Variants in SZT2 observed in about 807,000 individuals in gnomAD.
SZT2 encodes SZT2 subunit of KICSTOR complex.
In SZT2, 216 loss-of-function variants were observed where a neutral mutation model predicts 404.2. The ratio of observed to expected loss-of-function variants is 0.53; its 90% CI spans 0.48 to 0.60. The LOEUF is 0.60. Among genes scored for constraint, SZT2 ranks in the 20% least tolerant of loss-of-function variants. The pLI, the probability that SZT2 is intolerant of heterozygous loss-of-function variation, is 0.00. For synonymous variants in SZT2, 1,693 were observed against 1,749.9 expected (o/e 0.97, Z 0.81); for missense variants, 3,857 against 4,459.2 (o/e 0.86, Z 3.85).
rs779432358 is a variant in SZT2, at chr1:43,448,092, G to A, written c.9577G>A (p.Val3193Met). The A allele has an allele frequency of 1.2e-5, 19 of 1,596,594 alleles. 1 individual carries two copies. In the Middle Eastern group the frequency reaches 6.7e-4, roughly 56 times the overall value. ...TCCCCACCCCAGGCTACAGTTCTTC[G>A]TGGTGCTCACCAGCCAGCGAGAGCT... is the stretch of plus-strand genomic sequence containing the variant. ...ERHVLRLQFFVVLTSQRELFP... is the reference protein window; with the variant it reads ...ERHVLRLQFFMVLTSQRELFP... The change falls in exon 69 of 72, where the codon GTG becomes ATG. Residue 3193 changes from valine (V) to methionine (M), a missense_variant. Physicochemically the swap from Val to Met is conservative, Grantham distance 21. Coordinates refer to ENST00000634258, the MANE Select transcript of SZT2 (RefSeq NM_001365999.1). The surrounding 1 kb of genome is among the most constrained non-coding windows in gnomAD (Gnocchi z 4.2).
At position 43,442,836 on chromosome 1, in the gene SZT2, G is replaced by A; in HGVS notation, c.8169G>A (p.Leu2723=). ...TCTCTCAGGAGCCAAACCCATTCCT[G>A]CTGCCGACCATGGAAGTGGAGACCC... ...VRDEKEPNPF[L]LPTMEVETLI... is the part of the protein sequence containing the mutation. Residue 2723 remains leucine, a synonymous_variant, in exon 59 of 72, where the codon CTG becomes CTA. Coordinates refer to ENST00000634258, the MANE Select transcript of SZT2 (RefSeq NM_001365999.1). The surrounding 1 kb of genome is among the most constrained non-coding windows in gnomAD (Gnocchi z 4.5). 1 of 1,606,204 alleles carries A rather than the reference G, an allele frequency of 6.2e-7. No individual in the cohort carries two copies. Among genetic ancestry groups the A allele is most frequent in the Non-Finnish European group, 8.5e-7 (1 of 1,175,536 alleles).
intron 4 of SZT2, among the ~76,000 whole-genome samples, chr1:43,411,341 G>A (rs894145839): frequency 5.3e-5 from 8 of 152,202 alleles, no homozygotes; most frequent in Non-Finnish European, 1.0e-4. Context: ...TGGCAGTGTT[G>A]GCTCTAGCCT....
rs1570744983 is a variant in SZT2, at chr1:43,448,571, T to G, written c.9970-41T>G. ...GGGCAGAGGGCACAGGAATCTGAGG[T>G]GACTGGCACAGAAGACTCAGGCCTG... On this transcript the variant is annotated intron_variant, in intron 69 of 71. Transcript: ENST00000634258. The surrounding 1 kb of genome is among the most constrained non-coding windows in gnomAD (Gnocchi z 4.2). 1 of 1,613,578 alleles carries G rather than the reference T, an allele frequency of 6.2e-7. No homozygotes were observed. Among genetic ancestry groups the G allele is most frequent in the Non-Finnish European group, 8.5e-7 (1 of 1,179,738 alleles).
intron 4 of SZT2, chr1:43,412,574 C>G (rs1389035061): frequency 6.6e-6 from 1 of 152,222 alleles, no homozygotes; most frequent in East Asian, 1.9e-4. Context: ...ATGTGAACCA[C>G]TATGCTTGGC....
rs369715099 is a variant in SZT2 at position 43,452,029 on chromosome 1, G to A, written c.*1549G>A. 2.2e-4 allele frequency: 355 copies of A among 1,597,288 alleles called. No homozygotes were observed. Among genetic ancestry groups the A allele is most frequent in the Non-Finnish European group, 2.9e-4 (335 of 1,169,692 alleles). The stretch of plus-strand genomic sequence containing the variant: ...CGAGGTCCTCCTAGCAGCATGTCGG[G>A]TGCTGTGAATAGAGCTCCTTCCCAA... On this transcript the variant is annotated 3_prime_UTR_variant, in exon 72 of 72. Transcript: ENST00000634258.
chr1:43,425,065 T>A lies in SZT2; in HGVS notation c.2551-48T>A. The A allele has an allele frequency of 6.2e-7, 1 of 1,608,162 alleles. No homozygotes were observed. The highest frequency in any genetic ancestry group is 8.5e-7 in the Non-Finnish European group (1 of 1,174,614). On this transcript the variant is annotated intron_variant, in intron 17 of 71. Transcript: ENST00000634258. The surrounding 1 kb of genome is among the most constrained non-coding windows in gnomAD (Gnocchi z 4.3). Reference sequence around the variant, plus strand: ...AGGGCCAGAGCTAGGCCAGGCCAGATCTCTGCCTTGGCTGGGATTTGCCCA... The same window carrying A: ...AGGGCCAGAGCTAGGCCAGGCCAGAACTCTGCCTTGGCTGGGATTTGCCCA...
At chr1:43,434,585 A>C (rs781542899) in intron 41 of SZT2, 100 bp downstream of exon 41, 1 of 1,082,062 alleles carries the variant, frequency 9.2e-7, no homozygotes. Flanking sequence ...TTCAGAATCA[A>C]TAATTATGGA....
chr1:43,426,827 T>C lies in SZT2; in HGVS notation c.3309+18T>C. ...CTTCCCTGGTCAGCACCGATTCTTC[T>C]CCCTGAGCCCTTGTCACACTGACCT... is the stretch of plus-strand genomic sequence containing the variant. On this transcript the variant is annotated intron_variant, in intron 23 of 71. Coordinates refer to ENST00000634258, the MANE Select transcript of SZT2 (RefSeq NM_001365999.1). The surrounding 1 kb of genome is among the most constrained non-coding windows in gnomAD (Gnocchi z 4.9). 1.9e-6 allele frequency: 3 copies of C among 1,611,234 alleles called. No homozygotes were observed. Among genetic ancestry groups the C allele is most frequent in the Non-Finnish European group, 2.5e-6 (3 of 1,178,168 alleles).
Position 43,434,510 on chromosome 1 carries a change from C to G in SZT2, c.5904+25C>G, listed in dbSNP as rs1169696945. 9 of 1,562,706 alleles carry G rather than the reference C, an allele frequency of 5.8e-6. No homozygotes were observed. The Admixed American group carries it at 1.7e-4, about 30-fold the overall frequency. ...GGTAAGGGGCAGGACTCTCCAGACC[C>G]GGACACACAGAGCAGATGAGAACCA... On this transcript the variant is annotated intron_variant, in intron 41 of 71. Transcript: ENST00000634258.
chr1:43,393,334 C>T (rs911932545), intron 1 of SZT2, among the ~76,000 whole-genome samples: 1 of 152,152 alleles, frequency 6.6e-6, no homozygotes, highest in East Asian at 1.9e-4. Flanking sequence ...TCATCTGATA[C>T]TCAAAAATTA....
intron 28 of SZT2, 85 bp downstream of exon 28, chr1:43,428,571 T>C: frequency 6.5e-7 from 1 of 1,531,954 alleles, no homozygotes; most frequent in Non-Finnish European, 8.8e-7. Flanking sequence ...GGGGAATGAC[T>C]GTGCAAGGTA....
At chr1:43,395,547 C>T (rs1648895528) in intron 1 of SZT2, among the ~76,000 whole-genome samples, 1 of 152,202 alleles carries the variant, frequency 6.6e-6, no homozygotes. Context: ...GTAATCCGCC[C>T]ACTTTGGTCT....
Position 43,434,635 on chromosome 1 carries a change from C to T in SZT2, c.5904+150C>T, listed in dbSNP as rs937308127. On this transcript the variant is annotated intron_variant, in intron 41 of 71. Transcript: ENST00000634258. ...CCCAGTTAGTAGGATGCTGTTTCTCCCCCAGCTCCCTACAGCCTTGGGAGT... is the reference window on the plus strand; with the variant it reads ...CCCAGTTAGTAGGATGCTGTTTCTCTCCCAGCTCCCTACAGCCTTGGGAGT... The T allele has an allele frequency of 8.1e-6, 6 of 743,054 alleles. No individual in the cohort carries two copies. In the African/African-American group the frequency reaches 1.1e-4, roughly 13 times the overall value. The allele number at this position is 743,054 out of a possible 1,614,324, so 46.0% of individuals were successfully genotyped here.
At position 43,425,606 on chromosome 1, in the gene SZT2, C is replaced by T. The variant is rs1653047846; in HGVS notation, c.2778C>T (p.His926=). 1 of 1,614,042 alleles carries T rather than the reference C, an allele frequency of 6.2e-7. No individual in the cohort carries two copies. The highest frequency in any genetic ancestry group is 1.3e-5 in the African/African-American group (1 of 74,924). Residue 926 remains histidine (H), a synonymous_variant, in exon 19 of 72, where the codon CAC becomes CAT. Coordinates refer to ENST00000634258, the MANE Select transcript of SZT2 (RefSeq NM_001365999.1). This position sits in a 1 kb window ranked among gnomAD's most constrained non-coding sequence, Gnocchi z 4.3. ...RVGPGPGIWK[H]LQDLTYSEIP... ...GACCTGGCCCTGGAATCTGGAAGCA[C>T]CTCCAGGACCTGACGTATTCTGAGA...
In SZT2 at chr1:43,437,309, T is replaced by TG. The variant is rs772418993; in HGVS notation, c.6178dup (p.Val2060GlyfsTer46). 2 of 1,613,850 alleles carry TG rather than the reference T, an allele frequency of 1.2e-6. No homozygotes were observed. Among genetic ancestry groups the TG allele is most frequent in the African/African-American group, 1.3e-5 (1 of 74,856 alleles). The stretch of plus-strand genomic sequence containing the variant: ...TCACGCCTCAAAATGGGGCCCAGCA[T>TG]GGGGGTCTCTCGGGGTATGTGATTG... On this transcript the variant is annotated frameshift_variant, in exon 43 of 72. Coordinates refer to ENST00000634258, the MANE Select transcript of SZT2 (RefSeq NM_001365999.1). LOFTEE classifies it high-confidence loss of function. The surrounding 1 kb of genome is among the most constrained non-coding windows in gnomAD (Gnocchi z 5.3).
chr1:43,434,632 C>T (rs1261563699), intron 41 of SZT2, 147 bp downstream of exon 41: 9 of 741,782 alleles, frequency 1.2e-5, no homozygotes, highest in Non-Finnish European at 2.0e-5. Context: ...GATGCTGTTT[C>T]TCCCCCAGCT....
Position 43,452,290 on chromosome 1 carries a change from TG to T in SZT2, c.*1814del. 1 of 1,614,062 alleles carries T rather than the reference TG, an allele frequency of 6.2e-7. No homozygotes were observed. Among genetic ancestry groups the T allele is most frequent in the African/African-American group, 1.3e-5 (1 of 75,058 alleles). On this transcript the variant is annotated 3_prime_UTR_variant, in exon 72 of 72. Coordinates refer to ENST00000634258, the MANE Select transcript of SZT2 (RefSeq NM_001365999.1). ...CTTGACTGCTATTCGATCAGCTCCCTGGGGTACTCGGCCAGCCATCAGGTGG... is the reference window on the plus strand; with the variant it reads ...CTTGACTGCTATTCGATCAGCTCCCTGGGTACTCGGCCAGCCATCAGGTGG...
At chr1:43,412,134 A>G (rs1651133432) in intron 4 of SZT2, 1 of 152,148 alleles carries the variant, frequency 6.6e-6, no homozygotes, top group Non-Finnish European at 1.5e-5. Flanking sequence ...GCCCCCAAAC[A>G]ACCCTTAAAA....
In SZT2 at chr1:43,420,440, C is replaced by T. The variant is rs1200861213; in HGVS notation, c.1261+117C>T. 2 of 1,308,890 alleles carry T rather than the reference C, an allele frequency of 1.5e-6. No homozygotes were observed. Among genetic ancestry groups the T allele is most frequent in the African/African-American group, 3.0e-5 (2 of 67,298 alleles). 81.1% of individuals were successfully genotyped at this position (1,308,890 alleles called of 1,614,324 possible). A position where few individuals can be genotyped will look rare whatever the true frequency, so the allele number is the denominator to read the frequency against. On this transcript the variant is annotated intron_variant, in intron 9 of 71. Coordinates refer to ENST00000634258, the MANE Select transcript of SZT2 (RefSeq NM_001365999.1). This position sits in a 1 kb window ranked among gnomAD's most constrained non-coding sequence, Gnocchi z 5.1. ...ACATTGAAGTCCTTATCACTTGAGA[C>T]AGTGGGTTTTGAATTGTCATCAGGG...
Sources: allele counts gnomAD v4.1 joint callset (sites outside exome capture counted in the v4.1 genomes callset), GRCh38; gene constraint gnomAD v4.1.1; non-coding constraint Gnocchi (gnomAD v3.1); transcripts MANE v1.5; gene names NCBI Gene and HGNC (gene_info 2026-07-23, HGNC 2026-07-21).